Variants in ZC3HAV1 observed in about 807,000 individuals in gnomAD.
ZC3HAV1 encodes zinc finger CCCH-type antiviral protein 1.
In ZC3HAV1, 41 loss-of-function variants were observed where a neutral mutation model predicts 86.6. The observed-to-expected ratio is 0.47, with a 90% confidence interval of 0.37 to 0.61. The LOEUF (loss-of-function observed/expected upper bound fraction) is 0.61, where lower values mean the gene tolerates loss of function less well. ZC3HAV1 is among the 20% of genes least tolerant of loss of function. The probability of loss-of-function intolerance (pLI) is 0.00; values close to 1 mark genes in which losing one functional copy is unlikely to be tolerated. For missense variants in ZC3HAV1, 964 were observed against 1,141.1 expected (o/e 0.84, Z 2.24); for synonymous variants, 421 against 432.1 (o/e 0.97, Z 0.32).
chr7:139,075,175 G>A (rs920144614), intron 6 of ZC3HAV1, among the ~76,000 whole-genome samples: 2 of 152,256 alleles, frequency 1.3e-5, no homozygotes, highest in African/African-American at 4.8e-5. Flanking sequence ...GAGAAACCCG[G>A]CTCTCCACTT....
chr7:139,089,564 T>G, intron 2 of ZC3HAV1, 60 bp downstream of exon 2: 1 of 1,505,114 alleles, frequency 6.6e-7, no homozygotes, highest in Non-Finnish European at 8.9e-7. Context: ...CTCCAAAATA[T>G]CTGTGACACA....
chr7:139,081,341 CA>C (rs141589730), intron 3 of ZC3HAV1, among the ~76,000 whole-genome samples: 1 of 152,108 alleles, frequency 6.6e-6, no homozygotes, highest in African/African-American at 2.4e-5. Context: ...CTTCCAAACC[CA>C]GGGGGCAGTA....
At chr7:139,106,350 G>A (rs1163529325) in intron 1 of ZC3HAV1, among the ~76,000 whole-genome samples, 1 of 152,160 alleles carries the variant, frequency 6.6e-6, no homozygotes, top group Non-Finnish European at 1.5e-5. Flanking sequence ...CAGTGGCTCA[G>A]GCCTGTAATC....
chr7:139,046,567 T>C lies in ZC3HAV1; in HGVS notation c.*1027A>G. On this transcript the variant is annotated 3_prime_UTR_variant, in exon 13 of 13. Coordinates refer to ENST00000242351, the MANE Select transcript of ZC3HAV1 (RefSeq NM_020119.4). ...AATTAACTCCAGTTGGTTGCTTCTC[T>C]CTGAGCCTTACTTGCCAGCTCTTAT... 1 of 152,242 alleles carries C rather than the reference T, an allele frequency of 6.6e-6. No homozygotes were observed. Among genetic ancestry groups the C allele is most frequent in the East Asian group, 1.9e-4 (1 of 5,198 alleles). The allele number at this position is 152,242 out of a possible 1,614,324, so 9.4% of individuals were successfully genotyped here. A position where few individuals can be genotyped will look rare whatever the true frequency, so the allele number is the denominator to read the frequency against.
At chr7:139,070,663 C>CAA (rs765065216) in intron 7 of ZC3HAV1, among the ~76,000 whole-genome samples, 2,126 of 54,366 alleles carry the variant, frequency 0.039, 188 homozygotes, top group African/African-American at 0.13. Flanking sequence ...GACTCCGTCT[C>CAA]AAAAAAAAAA....
At chr7:139,064,648 T>G (rs566661109) in intron 8 of ZC3HAV1, among the ~76,000 whole-genome samples, 6 of 152,194 alleles carry the variant, frequency 3.9e-5, no homozygotes, top group African/African-American at 1.4e-4. Flanking sequence ...TTGAGAGAAG[T>G]GGGCCTAGAT....
At chr7:139,057,645 T>C (rs1438212529) in intron 9 of ZC3HAV1, among the ~76,000 whole-genome samples, 1 of 73,246 alleles carries the variant, frequency 1.4e-5, no homozygotes, top group Non-Finnish European at 2.6e-5. Flanking sequence ...TTCACGCCAT[T>C]CTCCTGCCTC....
chr7:139,048,929 C>T (rs1361065474), intron 12 of ZC3HAV1, among the ~76,000 whole-genome samples: 4 of 152,082 alleles, frequency 2.6e-5, no homozygotes, highest in Non-Finnish European at 4.4e-5. Flanking sequence ...CTCCCCTTCC[C>T]AAAACAGTTT....
In ZC3HAV1 at chr7:139,096,075, C is replaced by T. The variant is rs998370549; in HGVS notation, c.309-6316G>A. Among the ~76,000 whole-genome samples the T allele has an allele frequency of 3.9e-5, 6 of 152,192 alleles. No individual in the cohort carries two copies. In the East Asian group the frequency reaches 5.8e-4, roughly 15 times the overall value. ...TGTTGCTCAGGCTGGAGTGCAATGGCGCAATCTCAGCTCACCGCAACCTCC... is the reference window on the plus strand; with the variant it reads ...TGTTGCTCAGGCTGGAGTGCAATGGTGCAATCTCAGCTCACCGCAACCTCC... On this transcript the variant is annotated intron_variant, in intron 1 of 12. Coordinates refer to ENST00000242351, the MANE Select transcript of ZC3HAV1 (RefSeq NM_020119.4).
In ZC3HAV1 at chr7:139,076,291, G is replaced by C. The variant is rs977163852; in HGVS notation, c.1692C>G (p.Ile564Met). ...GAGTACAGCCACCAACTTACAGGTG[G>C]ATTCCGGGGTTACAGTAGCCTTTCT... ...TIEKGYCNPG[I>M]HLCSVGSYTI... Residue 564 changes from isoleucine (I) to methionine (M), a missense_variant, in exon 6 of 13, where the codon ATC becomes ATG. Coordinates refer to ENST00000242351, the MANE Select transcript of ZC3HAV1 (RefSeq NM_020119.4). 27 of 1,614,180 alleles carry C rather than the reference G, an allele frequency of 1.7e-5. No individual in the cohort carries two copies. Among genetic ancestry groups the C allele is most frequent in the Non-Finnish European group, 2.3e-5 (27 of 1,180,032 alleles).
chr7:139,071,302 A>G (rs1816766509), intron 7 of ZC3HAV1, among the ~76,000 whole-genome samples: 1 of 151,834 alleles, frequency 6.6e-6, no homozygotes, highest in Non-Finnish European at 1.5e-5. Context: ...CAGTTTCACC[A>G]TGTTGGCCAG....
rs367919128 is a variant in ZC3HAV1, at chr7:139,047,328, C to CA, written c.*265dup. 0.033 allele frequency: 8,591 copies of CA among 259,726 alleles called. 39 individuals are homozygous for CA. The highest frequency in any genetic ancestry group is 0.05 in the African/African-American group (1,774 of 35,258). 16.1% of individuals were successfully genotyped at this position (259,726 alleles called of 1,614,324 possible). On this transcript the variant is annotated 3_prime_UTR_variant, in exon 13 of 13. Transcript: ENST00000242351. ...TGGACGATGGAGTGAGATTCAGTCT[C>CA]AAAAAAAAAAAAAAAAAAAAAAATA... is the stretch of plus-strand genomic sequence containing the variant.
At chr7:139,054,239 A>G (rs1310845135) in intron 10 of ZC3HAV1, 144 bp from the exon 11 acceptor site, 1 of 764,024 alleles carries the variant, frequency 1.3e-6, no homozygotes, top group Admixed American at 4.0e-5. Flanking sequence ...TAGGGTTCCC[A>G]CATCTGCCAA....
intron 1 of ZC3HAV1, among the ~76,000 whole-genome samples, chr7:139,103,569 G>A (rs1220653355): frequency 2.0e-5 from 3 of 152,170 alleles, no homozygotes; most frequent in South Asian, 2.1e-4. Context: ...ATACTAATTC[G>A]TCAGAATCTG....
chr7:139,109,378 G>GCGGAAAT lies in ZC3HAV1; in HGVS notation c.-54_-48dup, dbSNP rs764902130. The stretch of plus-strand genomic sequence containing the variant: ...CTGCCGCGGCGCGGGACTCGGTTCC[G>GCGGAAAT]CGGAAATCGGAAATCGAAACTTACA... On this transcript the variant is annotated 5_prime_UTR_variant, in exon 1 of 13. Transcript: ENST00000242351. 2.9e-4 allele frequency: 433 copies of GCGGAAAT among 1,491,926 alleles called. No individual in the cohort carries two copies. The highest frequency in any genetic ancestry group is 4.9e-4 in the Middle Eastern group (2 of 4,066). 92.4% of individuals were successfully genotyped at this position (1,491,926 alleles called of 1,614,324 possible). A position where few individuals can be genotyped will look rare whatever the true frequency, so the allele number is the denominator to read the frequency against.
intron 7 of ZC3HAV1, among the ~76,000 whole-genome samples, chr7:139,067,037 C>T (rs1203019412): frequency 6.6e-6 from 1 of 152,188 alleles, no homozygotes; most frequent in Non-Finnish European, 1.5e-5. Context: ...GACTAGCAAG[C>T]CTCTAGGGTC....
intron 12 of ZC3HAV1, 130 bp downstream of exon 12, chr7:139,053,321 G>C: frequency 3.6e-6 from 4 of 1,117,960 alleles, no homozygotes; most frequent in East Asian, 5.6e-5. Flanking sequence ...TGAGCTTACT[G>C]TCTCTCCAGG....
intron 6 of ZC3HAV1, 110 bp downstream of exon 6, chr7:139,076,176 A>G: frequency 6.6e-7 from 1 of 1,512,580 alleles, no homozygotes; most frequent in Non-Finnish European, 9.0e-7. Context: ...TCACACTCGA[A>G]TGGGATTCTG....
chr7:139,079,291 C>T, intron 4 of ZC3HAV1, 179 bp downstream of exon 4: 2 of 1,537,598 alleles, frequency 1.3e-6, no homozygotes, highest in Non-Finnish European at 1.7e-6. Context: ...GGACCAGGTT[C>T]CTCAGACTCT....
Sources: allele counts gnomAD v4.1 joint callset (sites outside exome capture counted in the v4.1 genomes callset), GRCh38; gene constraint gnomAD v4.1.1; transcripts MANE v1.5; gene names NCBI Gene and HGNC (gene_info 2026-07-23, HGNC 2026-07-21).